The following MAPK6 variants were observed in gnomAD, a reference collection of about 807,000 sequenced individuals.
MAPK6 encodes ERK-3.
MAPK6 carries 19 observed loss-of-function variants against 59.3 expected under a neutral mutation model. The observed-to-expected ratio is 0.32, with a 90% CI of 0.22 to 0.47. MAPK6 has a LOEUF of 0.47. Ranked by LOEUF, MAPK6 falls within the 20% of genes least tolerant of loss-of-function variation. MAPK6 has a pLI of 1.00. For missense variants in MAPK6, 724 were observed against 847.9 expected (o/e 0.85, Z 1.81); for synonymous variants, 316 against 290.3 (o/e 1.09, Z -0.90).
At chr15:52,030,701 A>G (rs976139166) in intron 1 of MAPK6, among the ~76,000 whole-genome samples, 1 of 129,576 alleles carries the variant, frequency 7.7e-6, no homozygotes, top group African/African-American at 3.0e-5. Flanking sequence ...ATCTTGGCTC[A>G]GTGCAACCTG....
upstream of MAPK6, chr15:52,017,750 G>A (rs2030316391): frequency 6.6e-6 from 1 of 152,262 alleles, no homozygotes; most frequent in South Asian, 2.1e-4. Context: ...CCTTCTCTGG[G>A]TGATCAGACA....
Position 52,058,868 on chromosome 15 carries a change from A to T in MAPK6, c.865+71A>T, listed in dbSNP as rs993280020. On this transcript the variant is annotated intron_variant, in intron 4 of 5. Transcript: ENST00000261845. ...GGCAGAATCTGTGTAGGGAAGCTGGAGCTTTTTATCCTTAGATATGGGGCT... is the reference window on the plus strand; with the variant it reads ...GGCAGAATCTGTGTAGGGAAGCTGGTGCTTTTTATCCTTAGATATGGGGCT... The T allele has an allele frequency of 6.0e-6, 8 of 1,341,048 alleles. No individual in the cohort carries two copies. The African/African-American group carries it at 1.2e-4, about 20-fold the overall frequency. The allele number at this position is 1,341,048 out of a possible 1,614,324, so 83.1% of individuals were successfully genotyped here.
intron 2 of MAPK6, among the ~76,000 whole-genome samples, chr15:51,992,872 C>T (rs904325905): frequency 1.3e-5 from 2 of 152,184 alleles, no homozygotes; most frequent in Admixed American, 1.3e-4. Context: ...ACTTCCATGC[C>T]GCCTCTGGGA....
Position 52,064,114 on chromosome 15 carries a change from A to G in MAPK6, c.1280A>G (p.Tyr427Cys). ...TNYSTEPCWQ[Y>C]SDHHENKYCD... ...TACTCTACTGAGCCTTGTTGGCAAT[A>G]CTCAGATCATCATGAAAACAAATAT... The change falls in exon 6 of 6, where the codon TAC (tyrosine) becomes TGC (cysteine). Residue 427 changes from tyrosine to cysteine, a missense_variant. By Grantham distance (194) the Tyr-to-Cys change is radical. Transcript: ENST00000261845. 1 of 1,612,046 alleles carries G rather than the reference A, an allele frequency of 6.2e-7. No homozygotes were observed. Among genetic ancestry groups the G allele is most frequent in the Non-Finnish European group, 8.5e-7 (1 of 1,178,688 alleles).
rs147166125 is a variant in MAPK6, at chr15:52,064,139, T to C, written c.1305T>C (p.Tyr435=). ...ACTCAGATCATCATGAAAACAAATA[T>C]TGTGATCTGGAGTGTAGCCATACTT... ...WQYSDHHENK[Y]CDLECSHTCN... is the part of the protein sequence containing the mutation. Residue 435 remains tyrosine, a synonymous_variant, in exon 6 of 6, where the codon TAT becomes TAC. Transcript: ENST00000261845. The C allele has an allele frequency of 1.7e-5, 27 of 1,612,538 alleles. No homozygotes were observed. The highest frequency in any genetic ancestry group is 1.5e-4 in the African/African-American group (11 of 74,880).
chr15:52,037,673 G>C (rs1191834859), intron 1 of MAPK6, among the ~76,000 whole-genome samples: 2 of 152,192 alleles, frequency 1.3e-5, no homozygotes, highest in Non-Finnish European at 2.9e-5. Context: ...TTCGCATAGA[G>C]TGAGGGTCCT....
intron 3 of MAPK6, among the ~76,000 whole-genome samples, chr15:52,005,252 C>T (rs986173596): frequency 4.6e-5 from 7 of 152,036 alleles, no homozygotes; most frequent in African/African-American, 9.7e-5. Flanking sequence ...GGGCCAGGTG[C>T]GGTGGCTCAT....
intron 1 of MAPK6, among the ~76,000 whole-genome samples, chr15:52,020,319 C>A (rs1001479863): frequency 6.6e-6 from 1 of 152,134 alleles, no homozygotes; most frequent in African/African-American, 2.4e-5. Flanking sequence ...CTTCTTGATT[C>A]CTTTCCTGTT....
chr15:52,021,029 T>A (rs926654318), intron 1 of MAPK6, among the ~76,000 whole-genome samples: 1 of 152,222 alleles, frequency 6.6e-6, no homozygotes, highest in African/African-American at 2.4e-5. Flanking sequence ...GAGGATATTC[T>A]GGAATTCATT....
chr15:52,043,587 G>A (rs1427147795), intron 1 of MAPK6, among the ~76,000 whole-genome samples: 3 of 151,430 alleles, frequency 2.0e-5, no homozygotes, highest in African/African-American at 7.3e-5. Context: ...GTGAGCCACC[G>A]CGCCTGGCCA....
chr15:52,061,521 A>G lies in MAPK6; in HGVS notation c.1067+21A>G, dbSNP rs778462642. 1.9e-5 allele frequency: 29 copies of G among 1,563,850 alleles called. No homozygotes were observed. In the South Asian group the frequency reaches 2.8e-4, roughly 15 times the overall value. ...GAAAGGTAAATTGATCCTAAATTAG[A>G]AAAATAATATTTACTGAACTTTCAG... On this transcript the variant is annotated intron_variant, in intron 5 of 5. Coordinates refer to ENST00000261845, the MANE Select transcript of MAPK6 (RefSeq NM_002748.4).
chr15:51,983,800 TTAA>T (rs1280540210), intron 2 of MAPK6, among the ~76,000 whole-genome samples: 1 of 152,066 alleles, frequency 6.6e-6, no homozygotes, highest in Non-Finnish European at 1.5e-5. Context: ...GAGCAAGATT[TTAA>T]TAATAATTAT....
intron 2 of MAPK6, among the ~76,000 whole-genome samples, chr15:51,985,716 T>C (rs2057188948): frequency 6.6e-6 from 1 of 152,032 alleles, no homozygotes; most frequent in Non-Finnish European, 1.5e-5. Context: ...CCTAACACTT[T>C]GGGAGGCCGA....
intron 2 of MAPK6, among the ~76,000 whole-genome samples, chr15:51,987,858 C>T (rs1383613566): frequency 2.6e-5 from 4 of 151,000 alleles, no homozygotes; most frequent in Non-Finnish European, 4.4e-5. Flanking sequence ...CTCCTCCTCC[C>T]GGGTTCAAGT....
At chr15:52,009,606 C>G (rs1466491797) in intron 3 of MAPK6, among the ~76,000 whole-genome samples, 1 of 152,148 alleles carries the variant, frequency 6.6e-6, no homozygotes, top group Non-Finnish European at 1.5e-5. Flanking sequence ...TAGAGGGGCT[C>G]TTTGGATTAT....
At chr15:52,054,138 C>T (rs2031878163) in intron 3 of MAPK6, among the ~76,000 whole-genome samples, 1 of 151,682 alleles carries the variant, frequency 6.6e-6, no homozygotes, top group African/African-American at 2.4e-5. Context: ...GATGCGGAGG[C>T]AAGTGGATCA....
chr15:52,013,862 G>A (rs757158911), intron 3 of MAPK6, among the ~76,000 whole-genome samples: 1 of 152,242 alleles, frequency 6.6e-6, no homozygotes, highest in Middle Eastern at 3.4e-3. Flanking sequence ...TCCTATTAAT[G>A]CCAGTGTTAT....
At chr15:52,032,203 T>G (rs2031065187) in intron 1 of MAPK6, among the ~76,000 whole-genome samples, 1 of 147,782 alleles carries the variant, frequency 6.8e-6, no homozygotes, top group Middle Eastern at 3.2e-3. Context: ...TTTTTTTTTT[T>G]TTTTTTGAGA....
chr15:51,995,149 G>A (rs2057220867), intron 2 of MAPK6, among the ~76,000 whole-genome samples: 1 of 152,210 alleles, frequency 6.6e-6, no homozygotes, highest in Non-Finnish European at 1.5e-5. Flanking sequence ...GGGCAGAGGA[G>A]GAAGCAGGCT....
Sources: gnomAD v4.1 joint callset for allele counts (sites outside exome capture counted in the v4.1 genomes callset) on GRCh38, gnomAD v4.1.1 for gene constraint, MANE v1.5 for transcripts, NCBI Gene and HGNC (gene_info 2026-07-23, HGNC 2026-07-21) for gene names.